CNTN6: variants seen among roughly 807,000 people sequenced by gnomAD.
The protein encoded by CNTN6 is contactin 6.
A neutral mutation model predicts 122.8 loss-of-function variants in CNTN6; 137 were observed. The observed-to-expected ratio is 1.12, with a 90% CI of 0.97 to 1.29. The LOEUF (loss-of-function observed/expected upper bound fraction) is 1.29. Among genes scored for constraint, CNTN6 ranks in the 50% most tolerant of loss-of-function variants. The pLI is 0.00. For synonymous variants in CNTN6, 570 were observed against 426.0 expected (o/e 1.34, Z -4.16); for missense variants, 1,634 against 1,223.4 (o/e 1.34, Z -5.01).
At chr3:1,381,902 A>G (rs1251106480) in intron 17 of CNTN6, among the ~76,000 whole-genome samples, 1 of 151,994 alleles carries the variant, frequency 6.6e-6, no homozygotes. Flanking sequence ...CCTCATAGAT[A>G]CTCACCAAGA....
At chr3:1,311,323 T>G (rs1575651191) in intron 7 of CNTN6, among the ~76,000 whole-genome samples, 1 of 143,354 alleles carries the variant, frequency 7.0e-6, no homozygotes, top group East Asian at 2.1e-4. Context: ...AAAATGTATA[T>G]ATACATATAT....
chr3:1,387,328 G>A (rs1389187191), intron 20 of CNTN6, among the ~76,000 whole-genome samples: 3 of 151,872 alleles, frequency 2.0e-5, no homozygotes, highest in African/African-American at 7.3e-5. Context: ...AGTTAACAAT[G>A]AAGTTCTATT....
intron 17 of CNTN6, among the ~76,000 whole-genome samples, chr3:1,381,906 AC>A (rs1691947695): frequency 6.6e-6 from 1 of 152,054 alleles, no homozygotes; most frequent in Admixed American, 6.6e-5. Context: ...ATAGATACTC[AC>A]CAAGACGGTG....
chr3:1,305,731 G>A (rs190839364), intron 7 of CNTN6, among the ~76,000 whole-genome samples: 24 of 152,168 alleles, frequency 1.6e-4, no homozygotes, highest in Admixed American at 1.6e-3. Flanking sequence ...AATAACATTA[G>A]TAGCAGCACT....
intron 1 of CNTN6, among the ~76,000 whole-genome samples, chr3:1,096,147 C>G (rs369342756): frequency 6.6e-6 from 1 of 152,116 alleles, no homozygotes; most frequent in East Asian, 1.9e-4. Flanking sequence ...TTTGGAGACC[C>G]TTCCTGTACT....
rs562225998 is a variant in CNTN6 at position 1,391,956 on chromosome 3, A to G, written c.2704+6159A>G. ...CCATGCTCATGGGTAGGAAGAATCA[A>G]TATCATGAAAATGGCCATACTGCCC... On this transcript the variant is annotated intron_variant, in intron 20 of 22. Coordinates refer to ENST00000446702, the MANE Select transcript of CNTN6 (RefSeq NM_001289080.2). Among the ~76,000 whole-genome samples, 1,117 of 152,340 alleles carry G rather than the reference A, an allele frequency of 7.3e-3. 3 individuals carry two copies. The highest frequency in any genetic ancestry group is 0.014 in the African/African-American group (589 of 41,582).
At chr3:1,187,276 CT>C (rs10710040) in intron 2 of CNTN6, among the ~76,000 whole-genome samples, 4,675 of 148,338 alleles carry the variant, frequency 0.032, 218 homozygotes, top group African/African-American at 0.1. Context: ...TCCATACATA[CT>C]TTTTTTTTTT....
chr3:1,280,259 G>A (rs923437556), intron 5 of CNTN6, among the ~76,000 whole-genome samples: 1 of 152,002 alleles, frequency 6.6e-6, no homozygotes, highest in Non-Finnish European at 1.5e-5. Context: ...GACAGGAGAC[G>A]CTTGTCCTTG....
chr3:1,334,385 T>A lies in CNTN6; in HGVS notation c.1364+4450T>A, dbSNP rs1009432285. ...CTAGACTCCTCTTTTTATTTTTTTT[T>A]TTTTTTTGAGGCCACTATTTCCTGG... On this transcript the variant is annotated intron_variant, in intron 11 of 22. Coordinates refer to ENST00000446702, the MANE Select transcript of CNTN6 (RefSeq NM_001289080.2). Among the ~76,000 whole-genome samples the A allele has an allele frequency of 7.6e-4, 116 of 152,002 alleles. 2 individuals carry two copies. Among genetic ancestry groups the A allele is most frequent in the South Asian group, 3.1e-3 (15 of 4,822 alleles).
intron 4 of CNTN6, among the ~76,000 whole-genome samples, chr3:1,260,447 T>G (rs1176354779): frequency 6.6e-6 from 1 of 152,134 alleles, no homozygotes; most frequent in Non-Finnish European, 1.5e-5. Flanking sequence ...ATGTTTGGTT[T>G]GCTGAGTACC....
intron 1 of CNTN6, among the ~76,000 whole-genome samples, chr3:1,107,168 T>C (rs1019115840): frequency 1.3e-5 from 2 of 152,090 alleles, no homozygotes; most frequent in African/African-American, 2.4e-5. Flanking sequence ...AACCATAGCC[T>C]AGTCAAGTTG....
chr3:1,119,192 GT>G (rs796803601), intron 1 of CNTN6, among the ~76,000 whole-genome samples: 1,971 of 144,774 alleles, frequency 0.014, 33 homozygotes, highest in African/African-American at 0.033. Context: ...GTGATTTCAG[GT>G]TTTTTTTTTT....
intron 5 of CNTN6, 94 bp downstream of exon 5, chr3:1,278,602 C>A: frequency 1.4e-6 from 1 of 737,832 alleles, no homozygotes; most frequent in Non-Finnish European, 2.2e-6. Context: ...CACCTTTTAT[C>A]AAATCAAAGA....
intron 1 of CNTN6, among the ~76,000 whole-genome samples, chr3:1,126,227 A>G (rs1024541285): frequency 6.6e-6 from 1 of 151,918 alleles, no homozygotes; most frequent in African/African-American, 2.4e-5. Context: ...GGAAAGGTAT[A>G]CCGAAAGTTG....
chr3:1,202,071 G>A (rs1439275875), intron 2 of CNTN6, among the ~76,000 whole-genome samples: 1 of 152,162 alleles, frequency 6.6e-6, no homozygotes, highest in Non-Finnish European at 1.5e-5. Context: ...AATGCTAGTG[G>A]AGTAAATGAA....
At chr3:1,395,536 T>G (rs1202663945) in intron 20 of CNTN6, among the ~76,000 whole-genome samples, 1 of 152,104 alleles carries the variant, frequency 6.6e-6, no homozygotes, top group Non-Finnish European at 1.5e-5. Flanking sequence ...ACCCTCTGCT[T>G]CTGTCATCAC....
Position 1,202,722 on chromosome 3 carries a change from A to G in CNTN6, c.56-17965A>G, listed in dbSNP as rs376817654. Among the ~76,000 whole-genome samples, 16 of 152,220 alleles carry G rather than the reference A, an allele frequency of 1.1e-4. No homozygotes were observed. The East Asian group carries it at 2.7e-3, about 26-fold the overall frequency. ...TGAACCTTGAAGGAATAAACAGTAA[A>G]TGTCAAGGGCTTTTCTCACACAGGG... On this transcript the variant is annotated intron_variant, in intron 2 of 22. Transcript: ENST00000446702.
intron 4 of CNTN6, among the ~76,000 whole-genome samples, chr3:1,235,208 G>C (rs905640063): frequency 2.0e-5 from 3 of 152,088 alleles, no homozygotes; most frequent in Non-Finnish European, 4.4e-5. Context: ...GATGGGAGAG[G>C]AAAATATAAG....
At chr3:1,388,415 T>G (rs1264931913) in intron 20 of CNTN6, among the ~76,000 whole-genome samples, 1 of 150,514 alleles carries the variant, frequency 6.6e-6, no homozygotes, top group Admixed American at 6.6e-5. Context: ...CATCTGTACA[T>G]CACCATCATC....
Sources: gnomAD v4.1 joint callset for allele counts (sites outside exome capture counted in the v4.1 genomes callset) on GRCh38, gnomAD v4.1.1 for gene constraint, MANE v1.5 for transcripts, NCBI Gene and HGNC (gene_info 2026-07-23, HGNC 2026-07-21) for gene names.